The following ADAMTS13 variants were observed in gnomAD, a reference collection of about 807,000 sequenced individuals.
ADAMTS13 encodes the protein ADAM metallopeptidase with thrombospondin type 1 motif 13.
In ADAMTS13, 110 loss-of-function variants were observed where a neutral mutation model predicts 155.1. The observed-to-expected ratio is 0.71, with a 90% CI of 0.61 to 0.83. The LOEUF (loss-of-function observed/expected upper bound fraction) is 0.83, where lower values mean the gene tolerates loss of function less well. ADAMTS13 is among the 40% of genes least tolerant of loss of function. The probability of loss-of-function intolerance (pLI) is 0.00; values close to 1 mark genes in which losing one functional copy is unlikely to be tolerated. For synonymous variants in ADAMTS13, 758 were observed against 756.4 expected, an observed-to-expected ratio of 1.00 and a Z score of -0.03; for missense variants, 1,707 against 1,891.7, an observed-to-expected ratio of 0.90 and a Z score of 1.81.
chr9:133,440,397 A>T lies in ADAMTS13; in HGVS notation c.1840A>T (p.Asn614Tyr), dbSNP rs1554790354. The change falls in exon 16 of 29, where the codon AAC becomes TAC. Residue 614 changes from asparagine to tyrosine, a missense_variant. By Grantham distance (143) the Asn-to-Tyr change is moderately radical. Around this residue, in one of 3 missense-constraint regions of ADAMTS13, gnomAD observed 961 missense variants for 1,107.9 expected, o/e 0.87. Transcript: ENST00000355699. This position sits in a 1 kb window ranked among gnomAD's most constrained non-coding sequence, Gnocchi z 4.3. ...VVAGKMSISP[N>Y]TTYPSLLEDG... ...GGCTGGGAAGATGAGCATCTCCCCT[A>T]ACACCACCTACCCCTCCCTCCTGGA... The T allele has an allele frequency of 6.2e-7, 1 of 1,613,878 alleles. No individual in the cohort carries two copies. Among genetic ancestry groups the T allele is most frequent in the East Asian group, 2.2e-5 (1 of 44,858 alleles).
rs1370838995 is a variant in ADAMTS13, at chr9:133,424,555, G to A, written c.330+77G>A. On this transcript the variant is annotated intron_variant, in intron 3 of 28. Transcript: ENST00000355699. The surrounding 1 kb of genome is among the most constrained non-coding windows in gnomAD (Gnocchi z 4.3). The stretch of plus-strand genomic sequence containing the variant: ...CAATGTCTGTGGGCTGGTGTATCTG[G>A]TAGTCTGAATACAGTGGGTTAAACT... 4 of 1,555,010 alleles carry A rather than the reference G, an allele frequency of 2.6e-6. No homozygotes were observed. Among genetic ancestry groups the A allele is most frequent in the East Asian group, 2.4e-5 (1 of 41,336 alleles).
intron 9 of ADAMTS13, 104 bp downstream of exon 9, chr9:133,432,796 G>A (rs1223434571): frequency 6.0e-6 from 7 of 1,163,692 alleles, no homozygotes; most frequent in Non-Finnish European, 7.4e-6. Flanking sequence ...CCAGTATGGG[G>A]CAGAGAGTCT....
intron 12 of ADAMTS13, among the ~76,000 whole-genome samples, chr9:133,437,173 A>G (rs1034419623): frequency 6.6e-6 from 1 of 152,160 alleles, no homozygotes; most frequent in South Asian, 2.1e-4. Flanking sequence ...CATCTGTGAA[A>G]TGGAGATAAT....
At chr9:133,453,493 A>T (rs1842564430) in intron 23 of ADAMTS13, among the ~76,000 whole-genome samples, 2 of 151,714 alleles carry the variant, frequency 1.3e-5, no homozygotes. Flanking sequence ...ACAAAAACAA[A>T]CAAACAAAAA....
rs985757513 is a variant in ADAMTS13 at position 133,456,796 on chromosome 9, G to A, written c.3724+77G>A. On this transcript the variant is annotated intron_variant, in intron 27 of 28. Coordinates refer to ENST00000355699, the MANE Select transcript of ADAMTS13 (RefSeq NM_139027.6). This position sits in a 1 kb window ranked among gnomAD's most constrained non-coding sequence, Gnocchi z 4.4. ...GGCTGGGTGGGTGCTGCTGGGGATGGGGCCAGTCCCAGTGGGGCAGTGGGA... is the reference window on the plus strand; with the variant it reads ...GGCTGGGTGGGTGCTGCTGGGGATGAGGCCAGTCCCAGTGGGGCAGTGGGA... 1 of 1,515,932 alleles carries A rather than the reference G, an allele frequency of 6.6e-7. No homozygotes were observed. The highest frequency in any genetic ancestry group is 1.4e-5 in the African/African-American group (1 of 72,524). 93.9% of individuals were successfully genotyped at this position (1,515,932 alleles called of 1,614,324 possible). A position where few individuals can be genotyped will look rare whatever the true frequency, so the allele number is the denominator to read the frequency against.
chr9:133,443,130 G>A (rs1052197823), intron 18 of ADAMTS13, among the ~76,000 whole-genome samples: 3 of 152,206 alleles, frequency 2.0e-5, no homozygotes, highest in African/African-American at 7.2e-5. Flanking sequence ...CACACCTGAC[G>A]GGGCACACTG....
In ADAMTS13 at chr9:133,457,907, C is replaced by A; in HGVS notation, c.3725-3C>A. 1 of 1,613,828 alleles carries A rather than the reference C, an allele frequency of 6.2e-7. No individual in the cohort carries two copies. On this transcript the variant is annotated splice_region_variant and splice_polypyrimidine_tract_variant and intron_variant, in intron 27 of 28. Transcript: ENST00000355699. Reference sequence around the variant, plus strand: ...TTCCTATGTCCCTATGTCCCACCTGCAGAATGTGACATGCAGCTCTTTGGG... The same window carrying A: ...TTCCTATGTCCCTATGTCCCACCTGAAGAATGTGACATGCAGCTCTTTGGG...
At chr9:133,426,150 G>A (rs781978940) in intron 5 of ADAMTS13, 49 bp from the exon 6 acceptor site, 3 of 1,613,806 alleles carry the variant, frequency 1.9e-6, no homozygotes, top group Admixed American at 1.7e-5. Flanking sequence ...TGACCCCAGG[G>A]CAGGCACGTG....
intron 24 of ADAMTS13, among the ~76,000 whole-genome samples, chr9:133,454,912 G>A (rs1842648943): frequency 6.6e-6 from 1 of 152,170 alleles, no homozygotes; most frequent in African/African-American, 2.4e-5. Flanking sequence ...ACCTGGCAAG[G>A]CAGGACAGAC....
intron 14 of ADAMTS13, among the ~76,000 whole-genome samples, chr9:133,438,985 C>G (rs1554789935): frequency 1.3e-5 from 2 of 151,578 alleles, no homozygotes; most frequent in Non-Finnish European, 2.9e-5. Flanking sequence ...TCAAGAAATC[C>G]CACTGAGAGG....
intron 25 of ADAMTS13, chr9:133,455,786 G>T: frequency 1.1e-6 from 1 of 880,456 alleles, no homozygotes; most frequent in South Asian, 1.6e-5. Flanking sequence ...CTATCAAGGG[G>T]AAGTAACTTG....
chr9:133,455,308 C>A lies in ADAMTS13; in HGVS notation c.3273C>A (p.Gly1091=). Residue 1091 remains glycine (G), a synonymous_variant, in exon 25 of 29, where the codon GGC becomes GGA. Transcript: ENST00000355699. ...AGTGCTCTGTTTCCTGTGGGGATGG[C>A]ATCCAGCGCCGGCGTGACACCTGCC... The part of the protein sequence containing the change: ...WMECSVSCGD[G]IQRRRDTCLG... 1.2e-6 allele frequency: 2 copies of A among 1,604,066 alleles called. No homozygotes were observed. The highest frequency in any genetic ancestry group is 8.5e-7 in the Non-Finnish European group (1 of 1,179,966).
At position 133,414,869 on chromosome 9, in the gene ADAMTS13, T is replaced by C. The variant is rs1839474989; in HGVS notation, n.287+225T>C. ...AGAGCCCCTGCTGGCCTCCTGGTCT[T>C]TTCCTGCCGGCATCTCCTCTCCCTT... On this transcript the variant is annotated intron_variant and non_coding_transcript_variant, in intron 1 of 17. Coordinates refer to the ADAMTS13 transcript ENST00000485925. 1.9e-6 allele frequency: 3 copies of C among 1,614,050 alleles called. No individual in the cohort carries two copies. Among genetic ancestry groups the C allele is most frequent in the East Asian group, 2.2e-5 (1 of 44,898 alleles).
chr9:133,437,846 T>G lies in ADAMTS13; in HGVS notation c.1533T>G (p.Ser511Arg). 1 of 1,613,942 alleles carries G rather than the reference T, an allele frequency of 6.2e-7. No homozygotes were observed. Residue 511 changes from serine (S) to arginine (R), a missense_variant, in exon 13 of 29, where the codon AGT becomes AGG. Physicochemically the swap from Ser to Arg is moderately radical, Grantham distance 110. Coordinates refer to ENST00000355699, the MANE Select transcript of ADAMTS13 (RefSeq NM_139027.6). ...TCGATGGGACCCGGTGTATGCCAAGTGGCCCCCGGGAGGACGGGACCCTGA... is the reference window on the plus strand; with the variant it reads ...TCGATGGGACCCGGTGTATGCCAAGGGGCCCCCGGGAGGACGGGACCCTGA... Reference protein sequence around the residue: ...SFLDGTRCMPSGPREDGTLSL... With the variant: ...SFLDGTRCMPRGPREDGTLSL...
upstream of ADAMTS13, among the ~76,000 whole-genome samples, chr9:133,421,443 C>T (rs781847132): frequency 9.2e-5 from 14 of 152,188 alleles, no homozygotes; most frequent in Non-Finnish European, 1.9e-4. Flanking sequence ...GTATTTTTCT[C>T]CATAACACTT....
At chr9:133,423,237 G>C in intron 2 of ADAMTS13, 70 bp downstream of exon 2, 10 of 1,429,934 alleles carry the variant, frequency 7.0e-6, no homozygotes, top group South Asian at 1.1e-5. Context: ...TCACCACTGA[G>C]TCAGTGGTCT....
upstream of ADAMTS13, chr9:133,417,924 G>C: frequency 7.4e-7 from 1 of 1,352,596 alleles, no homozygotes; most frequent in South Asian, 1.4e-5. Context: ...CAGCACAAGC[G>C]CCTGCCCAGG....
chr9:133,428,741 G>C lies in ADAMTS13; in HGVS notation c.794G>C (p.Cys265Ser). ...APRAGLAWSPCSRRQLLSLLS... is the reference protein window; with the variant it reads ...APRAGLAWSPSSRRQLLSLLS... The stretch of plus-strand genomic sequence containing the variant: ...CGCGCCGGCCTCGCCTGGTCCCCCT[G>C]CAGCCGCCGGCAGCTGCTGAGCCTG... The change falls in exon 7 of 29, where the codon TGC (cysteine) becomes TCC (serine). Residue 265 changes from cysteine (C) to serine (S), a missense_variant. Cys to Ser is a moderately radical substitution (Grantham distance 112). Coordinates refer to ENST00000355699, the MANE Select transcript of ADAMTS13 (RefSeq NM_139027.6). 4 of 1,357,094 alleles carry C rather than the reference G, an allele frequency of 2.9e-6. No homozygotes were observed. The highest frequency in any genetic ancestry group is 3.8e-6 in the Non-Finnish European group (4 of 1,051,430). 84.1% of individuals were successfully genotyped at this position (1,357,094 alleles called of 1,614,324 possible). A position where few individuals can be genotyped will look rare whatever the true frequency, so the allele number is the denominator to read the frequency against.
rs1156519702 is a variant in ADAMTS13, at chr9:133,425,085, G to A, written c.331-444G>A. Among the ~76,000 whole-genome samples the A allele has an allele frequency of 6.6e-6, 1 of 152,214 alleles. No individual in the cohort carries two copies. Among genetic ancestry groups the A allele is most frequent in the Non-Finnish European group, 1.5e-5 (1 of 68,048 alleles). ...CATGCCTATAATCCCAGCACTTTGG[G>A]AGGCCAAGGCGGGTGGATCACCCGA... On this transcript the variant is annotated intron_variant, in intron 3 of 28. Transcript: ENST00000355699. The surrounding 1 kb of genome is among the most constrained non-coding windows in gnomAD (Gnocchi z 4.6).
Sources: gnomAD v4.1 joint callset for allele counts (sites outside exome capture counted in the v4.1 genomes callset) on GRCh38, gnomAD v4.1.1 for gene constraint, gnomAD v4.1.1 regional missense constraint, Gnocchi (gnomAD v3.1) non-coding constraint, MANE v1.5 for transcripts, NCBI Gene and HGNC (gene_info 2026-07-23, HGNC 2026-07-21) for gene names.